PTPRE: variants seen among roughly 807,000 people sequenced by gnomAD.
PTPRE encodes the protein receptor-type tyrosine-protein phosphatase epsilon.
PTPRE carries 51 observed loss-of-function variants against 102.0 expected under a neutral mutation model. The observed-to-expected ratio is 0.50, with a 90% CI of 0.40 to 0.63. The LOEUF (loss-of-function observed/expected upper bound fraction) is 0.63, where lower values mean the gene tolerates loss of function less well. PTPRE is among the 30% of genes least tolerant of loss of function. The pLI, the probability that PTPRE is intolerant of heterozygous loss-of-function variation, is 0.00. For synonymous variants in PTPRE, 345 were observed against 348.2 expected, an observed-to-expected ratio of 0.99 and a Z score of 0.10; for missense variants, 752 against 915.1, an observed-to-expected ratio of 0.82 and a Z score of 2.30.
intron 2 of PTPRE, among the ~76,000 whole-genome samples, chr10:128,026,797 G>GTT: frequency 6.6e-6 from 1 of 152,188 alleles, no homozygotes; most frequent in Non-Finnish European, 1.5e-5. Context: ...CCAGCTCACC[G>GTT]TGGCTACATC....
Position 127,907,415 on chromosome 10 carries a change from G to A in PTPRE, c.-31+106G>A, listed in dbSNP as rs912627412. The A allele has an allele frequency of 3.7e-5, 32 of 875,650 alleles. No homozygotes were observed. Among genetic ancestry groups the A allele is most frequent in the Non-Finnish European group, 4.0e-5 (29 of 730,778 alleles). 54.2% of individuals were successfully genotyped at this position (875,650 alleles called of 1,614,324 possible). A position where few individuals can be genotyped will look rare whatever the true frequency, so the allele number is the denominator to read the frequency against. The stretch of plus-strand genomic sequence containing the variant: ...GCCTCGGCCGCTGCCGCGGGAGGGA[G>A]GGGCCGCTCCGGGGCTCAGAGTCCG... On this transcript the variant is annotated intron_variant, in intron 1 of 20. Coordinates refer to ENST00000254667, the MANE Select transcript of PTPRE (RefSeq NM_006504.6). The surrounding 1 kb of genome is among the most constrained non-coding windows in gnomAD (Gnocchi z 4.8).
At chr10:127,970,101 G>C (rs181136667) in intron 1 of PTPRE, among the ~76,000 whole-genome samples, 106 of 152,232 alleles carry the variant, frequency 7.0e-4, no homozygotes, top group African/African-American at 2.4e-3. Flanking sequence ...GTAAAAAAAA[G>C]AGCCAGTAAC....
rs1590220106 is a variant in PTPRE at position 128,069,749 on chromosome 10, G to A, written c.1065G>A (p.Met355Ile). ...FIVIDAMMAMMHAEQKVDVFE... is the reference protein window; with the variant it reads ...FIVIDAMMAMIHAEQKVDVFE... ...TGATCGATGCCATGATGGCCATGAT[G>A]CACGCGGAGCAGAAGGTGGATGTGT... The change falls in exon 13 of 21, where the codon ATG becomes ATA. Residue 355 changes from methionine to isoleucine, a missense_variant. Met to Ile is a conservative substitution (Grantham distance 10). Around this residue, in one of 2 missense-constraint regions of PTPRE, gnomAD observed 636 missense variants for 824.4 expected, o/e 0.77. Coordinates refer to ENST00000254667, the MANE Select transcript of PTPRE (RefSeq NM_006504.6). The A allele has an allele frequency of 1.2e-6, 2 of 1,614,208 alleles. No individual in the cohort carries two copies. The highest frequency in any genetic ancestry group is 2.2e-5 in the East Asian group (1 of 44,864).
At chr10:128,038,882 C>T (rs555960442) in intron 2 of PTPRE, among the ~76,000 whole-genome samples, 3 of 152,154 alleles carry the variant, frequency 2.0e-5, no homozygotes, top group South Asian at 2.1e-4. Flanking sequence ...TGCAGGTTGT[C>T]GCCCATTGCT....
At chr10:128,033,023 A>C (rs950915408) in intron 2 of PTPRE, among the ~76,000 whole-genome samples, 1 of 152,334 alleles carries the variant, frequency 6.6e-6, no homozygotes, top group East Asian at 1.9e-4. Context: ...CAAAATACTT[A>C]TAAACATTTA....
chr10:128,070,448 A>G lies in PTPRE; in HGVS notation c.1291A>G (p.Arg431Gly). 6.2e-7 allele frequency: 1 copy of G among 1,613,060 alleles called. No individual in the cohort carries two copies. Among genetic ancestry groups the G allele is most frequent in the South Asian group, 1.1e-5 (1 of 90,776 alleles). ...FDKIGLEEEFRKLTNVRIMKE... is the reference protein window; with the variant it reads ...FDKIGLEEEFGKLTNVRIMKE... ...CAAGATCGGGCTGGAGGAGGAGTTC[A>G]GGGTGAGTACAGCTGACCCTCCTCT... The change falls in exon 14 of 21, where the codon AGG (arginine) becomes GGG (glycine). Residue 431 changes from arginine (R) to glycine (G), a missense_variant and splice_region_variant. Around this residue, in one of 2 missense-constraint regions of PTPRE, gnomAD observed 636 missense variants for 824.4 expected, o/e 0.77. Transcript: ENST00000254667. This position sits in a 1 kb window ranked among gnomAD's most constrained non-coding sequence, Gnocchi z 4.8.
At chr10:127,916,249 T>G (rs1846199437) in intron 1 of PTPRE, among the ~76,000 whole-genome samples, 1 of 152,262 alleles carries the variant, frequency 6.6e-6, no homozygotes, top group Non-Finnish European at 1.5e-5. Context: ...AGGAGGTGAT[T>G]AGATCATGAG....
intron 3 of PTPRE, among the ~76,000 whole-genome samples, chr10:128,045,775 G>A (rs1461585497): frequency 3.9e-5 from 6 of 152,320 alleles, no homozygotes; most frequent in Non-Finnish European, 5.9e-5. Context: ...GGTCAAAGGC[G>A]GGGGACTGTG....
chr10:127,910,649 A>C (rs1424472119), intron 1 of PTPRE, among the ~76,000 whole-genome samples: 1 of 152,212 alleles, frequency 6.6e-6, no homozygotes, highest in Non-Finnish European at 1.5e-5. Context: ...AATGGGAGTA[A>C]TCATCGCTAC....
At chr10:128,003,015 A>G (rs1854127826) in intron 2 of PTPRE, among the ~76,000 whole-genome samples, 1 of 152,002 alleles carries the variant, frequency 6.6e-6, no homozygotes, top group Non-Finnish European at 1.5e-5. Context: ...TGTCTTATGG[A>G]TGTTGGGTTT....
At chr10:127,939,223 T>G (rs1217779699) in intron 1 of PTPRE, among the ~76,000 whole-genome samples, 2 of 152,318 alleles carry the variant, frequency 1.3e-5, no homozygotes, top group Non-Finnish European at 2.9e-5. Context: ...ACTTGAGAAA[T>G]TTTTCTTCTT....
rs561895889 is a variant in PTPRE, at chr10:127,914,420, C to T, written c.-31+7111C>T. Among the ~76,000 whole-genome samples the T allele has an allele frequency of 8.5e-5, 13 of 152,314 alleles. No individual in the cohort carries two copies. In the East Asian group the frequency reaches 2.3e-3, roughly 27 times the overall value. On this transcript the variant is annotated intron_variant, in intron 1 of 20. Transcript: ENST00000254667. ...TGTTTTTCTGACACTATCATACTTC[C>T]CAGGATAGGCTCTACTCTTAACTCT...
chr10:127,992,954 T>C (rs1852836462), intron 2 of PTPRE, among the ~76,000 whole-genome samples: 1 of 152,206 alleles, frequency 6.6e-6, no homozygotes, highest in Non-Finnish European at 1.5e-5. Flanking sequence ...ATAAGAATTG[T>C]TTTATTTCAG....
intron 1 of PTPRE, among the ~76,000 whole-genome samples, chr10:127,925,408 C>A (rs7916444): frequency 0.13 from 20,415 of 152,178 alleles, 1,432 homozygotes; most frequent in Middle Eastern, 0.16. Flanking sequence ...TCATTCTTTT[C>A]TGACCCCGGG....
chr10:128,083,198 C>T lies in PTPRE; in HGVS notation c.*292C>T, dbSNP rs1363718421. 2.0e-5 allele frequency: 4 copies of T among 203,608 alleles called. No individual in the cohort carries two copies. The highest frequency in any genetic ancestry group is 4.7e-5 in the African/African-American group (2 of 42,704). The allele number at this position is 203,608 out of a possible 1,614,324, so 12.6% of individuals were successfully genotyped here. A position where few individuals can be genotyped will look rare whatever the true frequency, so the allele number is the denominator to read the frequency against. ...TCATTTAATTTCACATATTCAACAC[C>T]TTTAAATGTTGTAATCTTAATATGC... On this transcript the variant is annotated 3_prime_UTR_variant, in exon 21 of 21. Transcript: ENST00000254667.
intron 2 of PTPRE, among the ~76,000 whole-genome samples, chr10:128,018,248 G>A (rs996204328): frequency 1.9e-4 from 29 of 152,104 alleles, no homozygotes; most frequent in Non-Finnish European, 3.8e-4. Flanking sequence ...CCTCTAAATC[G>A]CACGGCACAT....
intron 10 of PTPRE, 41 bp downstream of exon 10, chr10:128,063,221 G>T: frequency 6.2e-7 from 1 of 1,609,290 alleles, no homozygotes; most frequent in Non-Finnish European, 8.5e-7. Flanking sequence ...CTTCCTTTCA[G>T]CTGCTGCTGC....
At position 127,970,930 on chromosome 10, in the gene PTPRE, A is replaced by T. The variant is rs183329681; in HGVS notation, c.-30-11344A>T. Among the ~76,000 whole-genome samples, 386 of 152,222 alleles carry T rather than the reference A, an allele frequency of 2.5e-3. 2 individuals carry two copies. The highest frequency in any genetic ancestry group is 3.4e-3 in the Middle Eastern group (1 of 294). On this transcript the variant is annotated intron_variant, in intron 1 of 20. Transcript: ENST00000254667. ...TAAACCATCCCTCCAGGTTAAATTT[A>T]TCTGGGACTCATGGTTGGATAAGCT...
chr10:127,907,178 T>C lies in PTPRE; in HGVS notation c.-162T>C. On this transcript the variant is annotated 5_prime_UTR_variant, in exon 1 of 21. Coordinates refer to ENST00000254667, the MANE Select transcript of PTPRE (RefSeq NM_006504.6). This position sits in a 1 kb window ranked among gnomAD's most constrained non-coding sequence, Gnocchi z 4.8. ...AGCGGCTTCAGGAACCCACGGCCTC[T>C]GCGCGTCCCCGCGACCCTTCTTCGC... is the stretch of plus-strand genomic sequence containing the variant. 2 of 845,646 alleles carry C rather than the reference T, an allele frequency of 2.4e-6. No homozygotes were observed. The highest frequency in any genetic ancestry group is 2.8e-6 in the Non-Finnish European group (2 of 703,278). 52.4% of individuals were successfully genotyped at this position (845,646 alleles called of 1,614,324 possible).
Sources: allele counts gnomAD v4.1 joint callset (sites outside exome capture counted in the v4.1 genomes callset), GRCh38; gene constraint gnomAD v4.1.1; regional missense constraint gnomAD v4.1.1; non-coding constraint Gnocchi (gnomAD v3.1); transcripts MANE v1.5; gene names NCBI Gene and HGNC (gene_info 2026-07-23, HGNC 2026-07-21).